Variants in CHLSN observed in about 807,000 individuals in gnomAD.
The protein encoded by CHLSN is cholesin.
chr7:1,081,559 G>A, the CHLSN span, among the ~76,000 whole-genome samples: 1 of 152,244 alleles, frequency 6.6e-6, no homozygotes, highest in African/African-American at 2.4e-5. Context: ...CCACGCGGAC[G>A]GGGAAGCTGA....
the CHLSN span, among the ~76,000 whole-genome samples, chr7:1,129,732 C>T: frequency 2.0e-5 from 3 of 152,212 alleles, no homozygotes; most frequent in African/African-American, 4.8e-5. Flanking sequence ...CATGAGCCAC[C>T]ATGCCCAGCC....
the CHLSN span, chr7:988,645 C>G: frequency 6.2e-7 from 1 of 1,602,416 alleles, no homozygotes; most frequent in South Asian, 1.1e-5. Flanking sequence ...GCCGCCGCGT[C>G]TGTGTTGGGG....
At chr7:1,058,405 G>A in the CHLSN span, 15 of 780,634 alleles carry the variant, frequency 1.9e-5, no homozygotes, top group East Asian at 4.8e-5. Context: ...CTTCTCTACC[G>A]CTACATGAAC....
chr7:1,033,886 C>G, the CHLSN span, among the ~76,000 whole-genome samples: 1 of 152,212 alleles, frequency 6.6e-6, no homozygotes, highest in Admixed American at 6.5e-5. Flanking sequence ...TCTGCAGGTG[C>G]TCCTCCAAGG....
chr7:1,030,710 ACTCTCTCTCTCCCGGGGCAGGGGGGGACT>A, the CHLSN span, among the ~76,000 whole-genome samples: 21 of 143,238 alleles, frequency 1.5e-4, no homozygotes, highest in Middle Eastern at 3.6e-3. Context: ...GCAGGCGGGG[ACTCTCTCTCTCCCGGGGCAGGGGGGGACT>A]CTCTCTCTCT....
At chr7:1,017,560 G>C in the CHLSN span, among the ~76,000 whole-genome samples, 3 of 152,172 alleles carry the variant, frequency 2.0e-5, no homozygotes, top group African/African-American at 7.2e-5. Flanking sequence ...GGTGGGGAGG[G>C]CTCCACACAG....
chr7:1,001,916 C>T, the CHLSN span, among the ~76,000 whole-genome samples: 18 of 23,272 alleles, frequency 7.7e-4, no homozygotes, highest in Admixed American at 1.4e-3. Context: ...GGGAGTCCTG[C>T]GGGTGGGGAG....
the CHLSN span, among the ~76,000 whole-genome samples, chr7:1,124,734 T>A: frequency 3.9e-4 from 57 of 144,510 alleles, no homozygotes; most frequent in African/African-American, 1.6e-3. Context: ...AAAAAAAATT[T>A]TAAAAAAGCA....
the CHLSN span, among the ~76,000 whole-genome samples, chr7:1,122,745 T>C: frequency 6.6e-6 from 1 of 152,086 alleles, no homozygotes; most frequent in Non-Finnish European, 1.5e-5. Flanking sequence ...ACAGAACTCC[T>C]AAACCCCAGC....
the CHLSN span, among the ~76,000 whole-genome samples, chr7:1,016,932 G>A: frequency 1.3e-5 from 1 of 76,702 alleles, no homozygotes; most frequent in Non-Finnish European, 3.0e-5. Flanking sequence ...GCACACAGCA[G>A]CACACGCCAG....
At chr7:1,003,765 T>C in the CHLSN span, among the ~76,000 whole-genome samples, 2,853 of 50,666 alleles carry the variant, frequency 0.056, 206 homozygotes, top group African/African-American at 0.16. Context: ...TGGAGTCCTG[T>C]GGGTGGGGAG....
At chr7:1,129,951 A>T in the CHLSN span, among the ~76,000 whole-genome samples, 2 of 152,134 alleles carry the variant, frequency 1.3e-5, no homozygotes, top group Non-Finnish European at 2.9e-5. Context: ...ACTTTCTCCT[A>T]TCAGGCTCAC....
At chr7:1,103,009 A>G in the CHLSN span, among the ~76,000 whole-genome samples, 1 of 151,930 alleles carries the variant, frequency 6.6e-6, no homozygotes, top group African/African-American at 2.4e-5. Context: ...CTAGACCCCG[A>G]CCCCTTACCC....
chr7:1,083,589 C>T, the CHLSN span, among the ~76,000 whole-genome samples: 2 of 151,430 alleles, frequency 1.3e-5, no homozygotes, highest in Admixed American at 6.6e-5. Context: ...GTTCGCACCA[C>T]TGCACTCCAG....
the CHLSN span, among the ~76,000 whole-genome samples, chr7:998,457 CTTTTTT>C: frequency 9.5e-5 from 9 of 95,028 alleles, no homozygotes; most frequent in Admixed American, 2.6e-4. Flanking sequence ...GTCTTAGATT[CTTTTTT>C]TTTTTTTTTT....
At chr7:1,037,399 T>C in the CHLSN span, among the ~76,000 whole-genome samples, 66,693 of 120,674 alleles carry the variant, frequency 0.55, 22,811 homozygotes, top group African/African-American at 0.85. Context: ...CCATTGCAGG[T>C]GCGCGCCGCC....
the CHLSN span, among the ~76,000 whole-genome samples, chr7:1,015,996 G>T: frequency 7.0e-6 from 1 of 143,392 alleles, no homozygotes; most frequent in Non-Finnish European, 1.6e-5. Flanking sequence ...TAGTGTCTGA[G>T]GTGTCACATG....
the CHLSN span, among the ~76,000 whole-genome samples, chr7:1,099,844 GAGGACAAGGGTACGTCATTC>G: frequency 6.6e-6 from 1 of 152,228 alleles, no homozygotes; most frequent in Non-Finnish European, 1.5e-5. Flanking sequence ...CAGAACTCCA[GAGGACAAGGGTACGTCATTC>G]AGGCCACGGT....
the CHLSN span, among the ~76,000 whole-genome samples, chr7:1,054,100 G>A: frequency 7.9e-5 from 12 of 152,306 alleles, no homozygotes; most frequent in African/African-American, 2.2e-4. Context: ...TGAGCTCCTC[G>A]GCTTTAGGAA....
Sources: gnomAD v4.1 joint callset for allele counts (sites outside exome capture counted in the v4.1 genomes callset) on GRCh38, gnomAD v4.1.1 for gene constraint, MANE v1.5 for transcripts, NCBI Gene and HGNC (gene_info 2026-07-23, HGNC 2026-07-21) for gene names.